The following TIAM1 variants were observed in gnomAD, a reference collection of about 807,000 sequenced individuals.
TIAM1 encodes the protein TIAM Rac1 associated GEF 1, also known as rho guanine nucleotide exchange factor TIAM1.
In TIAM1, 65 loss-of-function variants were observed where a neutral mutation model predicts 163.5. That is an observed-to-expected ratio of 0.40 (90% CI 0.33 to 0.49). TIAM1 has a LOEUF of 0.49. Among genes scored for constraint, TIAM1 ranks in the 20% least tolerant of loss-of-function variants. The pLI is 0.77. For synonymous variants in TIAM1, 833 were observed against 810.1 expected (o/e 1.03, Z -0.48); for missense variants, 1,789 against 2,044.7 (o/e 0.87, Z 2.41).
rs755462320 is a variant in TIAM1 at position 31,252,130 on chromosome 21, G to A, written c.1023C>T (p.Thr341=). The A allele has an allele frequency of 3.3e-5, 53 of 1,612,336 alleles. No homozygotes were observed. The highest frequency in any genetic ancestry group is 1.0e-4 in the Admixed American group (6 of 60,006). ...ATCGCCTGGACAGGAGGTCCGTGTC[G>A]GTAGTGGCCCCTTCAATCCCACTGT... ...FADSGIEGAT[T]DTDLLSRRSN... The change falls in exon 5 of 28, where the codon ACC becomes ACT. Residue 341 remains threonine, a synonymous_variant. Coordinates refer to ENST00000541036, the MANE Select transcript of TIAM1 (RefSeq NM_001353694.2).
Position 31,124,667 on chromosome 21 carries a change from T to C in TIAM1, c.4161A>G (p.Leu1387=), listed in dbSNP as rs779763981. Residue 1387 remains leucine (L), a synonymous_variant, in exon 27 of 28, where the codon CTA becomes CTG. Coordinates refer to ENST00000541036, the MANE Select transcript of TIAM1 (RefSeq NM_001353694.2). The stretch of plus-strand genomic sequence containing the variant: ...CACGCAGGATTGAATGCACAGCCTT[T>C]AGGAAATCCTTTCGGCTCTCTGGGG... ...CSSPESRKDF[L]KAVHSILRDK... 46 of 1,599,366 alleles carry C rather than the reference T, an allele frequency of 2.9e-5. No homozygotes were observed. In the South Asian group the frequency reaches 4.5e-4, roughly 16 times the overall value.
At chr21:31,210,584 A>AAGAAAGAAAGAAAGAAAGAG (rs2086693360) in intron 10 of TIAM1, among the ~76,000 whole-genome samples, 2 of 118,494 alleles carry the variant, frequency 1.7e-5, no homozygotes, top group Non-Finnish European at 1.6e-5. Flanking sequence ...GAAAGAAAGA[A>AAGAAAGAAAGAAAGAAAGAG]AGAAAGAAAG....
At chr21:31,505,567 A>G (rs1048424810) in intron 1 of TIAM1, among the ~76,000 whole-genome samples, 2 of 152,238 alleles carry the variant, frequency 1.3e-5, no homozygotes, top group Non-Finnish European at 2.9e-5. Flanking sequence ...GAATTGGAAG[A>G]GCACTCATTG....
chr21:31,539,967 G>A (rs2048267422), intron 1 of TIAM1, among the ~76,000 whole-genome samples: 1 of 151,744 alleles, frequency 6.6e-6, no homozygotes, highest in Admixed American at 6.6e-5. Context: ...TGAGGCACAA[G>A]GATCACTTGA....
At chr21:31,542,770 C>G (rs1020422101) in intron 1 of TIAM1, among the ~76,000 whole-genome samples, 7 of 152,036 alleles carry the variant, frequency 4.6e-5, no homozygotes, top group Admixed American at 1.3e-4. Context: ...GGTTCAAGAC[C>G]AAGGCCTGGT....
At chr21:31,166,117 A>AAG (rs1355159456) in intron 15 of TIAM1, among the ~76,000 whole-genome samples, 1 of 152,230 alleles carries the variant, frequency 6.6e-6, no homozygotes, top group African/African-American at 2.4e-5. Flanking sequence ...GGTTGGGCCT[A>AAG]AGACTGTGTG....
At chr21:31,470,949 G>A (rs2045718355) in intron 1 of TIAM1, among the ~76,000 whole-genome samples, 1 of 152,168 alleles carries the variant, frequency 6.6e-6, no homozygotes. Context: ...GGGGCAGCTG[G>A]GATGGTGCGT....
At chr21:31,210,803 A>AAAGAAAGAAAGAAAGAAAGAAAGAAAGG in intron 10 of TIAM1, among the ~76,000 whole-genome samples, 1 of 143,968 alleles carries the variant, frequency 6.9e-6, no homozygotes, top group Admixed American at 6.8e-5. Context: ...AGAAAGAAAG[A>AAAGAAAGAAAGAAAGAAAGAAAGAAAGG]AAGAAAGAAA....
chr21:31,456,752 T>C (rs187475692), intron 2 of TIAM1, among the ~76,000 whole-genome samples: 1 of 152,242 alleles, frequency 6.6e-6, no homozygotes, highest in East Asian at 1.9e-4. Flanking sequence ...AGCATCCTAT[T>C]CTATCATCCA....
intron 1 of TIAM1, among the ~76,000 whole-genome samples, chr21:31,526,090 C>G (rs141711649): frequency 2.5e-3 from 377 of 151,988 alleles, no homozygotes; most frequent in Admixed American, 4.2e-3. Flanking sequence ...TGCTTTGAAC[C>G]TGGTCTGCAG....
Position 31,245,641 on chromosome 21 carries a change from G to A in TIAM1, c.1431C>T (p.Tyr477=), listed in dbSNP as rs763335527. 7.6e-6 allele frequency: 12 copies of A among 1,581,254 alleles called. No homozygotes were observed. Among genetic ancestry groups the A allele is most frequent in the African/African-American group, 6.8e-5 (5 of 73,386 alleles). ...CTATCCCAGACCTGCCGTCGCTCTC[G>A]TAGAAAAATAGCGTGCATCCTGAGG... is the stretch of plus-strand genomic sequence containing the variant. ...VSLKGCTLFF[Y]ESDGRSGIDH... is the part of the protein sequence containing the mutation. Residue 477 remains tyrosine (Y), a synonymous_variant, in exon 6 of 28, where the codon TAC becomes TAT. Transcript: ENST00000541036.
chr21:31,181,460 A>C (rs1445193972), intron 15 of TIAM1, among the ~76,000 whole-genome samples: 1 of 144,316 alleles, frequency 6.9e-6, no homozygotes, highest in East Asian at 2.3e-4. Context: ...CGCTGCTTCT[A>C]GTAGAATGAG....
chr21:31,164,794 C>T (rs1275953088), intron 16 of TIAM1, among the ~76,000 whole-genome samples, 168 bp downstream of exon 16: 3 of 152,140 alleles, frequency 2.0e-5, no homozygotes, highest in Non-Finnish European at 4.4e-5. Context: ...GGTTTGTTAC[C>T]AAGGCTATAA....
At chr21:31,207,856 C>A (rs1163582022) in intron 11 of TIAM1, among the ~76,000 whole-genome samples, 2 of 152,194 alleles carry the variant, frequency 1.3e-5, no homozygotes, top group African/African-American at 2.4e-5. Context: ...TCCCAAAGTA[C>A]TGGGATTACA....
intron 9 of TIAM1, among the ~76,000 whole-genome samples, chr21:31,215,898 C>A (rs185933202): frequency 6.6e-6 from 1 of 152,092 alleles, no homozygotes; most frequent in East Asian, 1.9e-4. Flanking sequence ...CGGTGGCCCA[C>A]GTCTATAATC....
At chr21:31,189,685 C>T (rs1023061445) in intron 13 of TIAM1, among the ~76,000 whole-genome samples, 1 of 152,022 alleles carries the variant, frequency 6.6e-6, no homozygotes, top group African/African-American at 2.4e-5. Flanking sequence ...TTTCACTGTT[C>T]CAGGTAGGCA....
chr21:31,356,841 C>T (rs1569260773), intron 2 of TIAM1, among the ~76,000 whole-genome samples: 1 of 152,118 alleles, frequency 6.6e-6, no homozygotes. Context: ...TCCATCTGGG[C>T]GCAGTGGCTC....
chr21:31,473,429 C>CAAAAAAAAA lies in TIAM1; in HGVS notation c.-421-9403_-421-9395dup, dbSNP rs56691495. ...TGGGGGACAGATCAAGACTCCATCT[C>CAAAAAAAAA]AAAAAAAAAAAAAAAAAAAAAAAAA... On this transcript the variant is annotated intron_variant, in intron 1 of 28. Coordinates refer to the TIAM1 transcript ENST00000286827. Among the ~76,000 whole-genome samples the CAAAAAAAAA allele has an allele frequency of 1.7e-4, 13 of 75,740 alleles. 1 individual carries two copies. Among genetic ancestry groups the CAAAAAAAAA allele is most frequent in the Non-Finnish European group, 2.7e-4 (10 of 37,254 alleles). The allele number at this position is 75,740 out of a possible 152,430, so 49.7% of individuals were successfully genotyped here. A position where few individuals can be genotyped will look rare whatever the true frequency, so the allele number is the denominator to read the frequency against.
chr21:31,432,091 C>CTTTTTTTTTTTTTTTTTTTT (rs11291911), intron 2 of TIAM1, among the ~76,000 whole-genome samples: 2 of 93,664 alleles, frequency 2.1e-5, no homozygotes, highest in African/African-American at 9.2e-5. Context: ...TCTAAGATTC[C>CTTTTTTTTTTTTTTTTTTTT]TTTTTTTTTT....
Sources: allele counts gnomAD v4.1 joint callset (sites outside exome capture counted in the v4.1 genomes callset), GRCh38; gene constraint gnomAD v4.1.1; transcripts MANE v1.5; gene names NCBI Gene and HGNC (gene_info 2026-07-23, HGNC 2026-07-21).